The following TCF12 variants were observed in gnomAD, a reference collection of about 807,000 sequenced individuals.
TCF12 encodes transcription factor 12.
TCF12 carries 45 observed loss-of-function variants against 86.0 expected under a neutral mutation model. That is an observed-to-expected ratio of 0.52 (90% CI 0.41 to 0.67). The LOEUF is 0.67. TCF12 is among the 30% of genes least tolerant of loss of function. TCF12 has a pLI of 0.00. For missense variants in TCF12, 881 were observed against 859.9 expected (o/e 1.02, Z -0.31); for synonymous variants, 330 against 299.6 (o/e 1.10, Z -1.05).
chr15:56,974,352 A>G (rs567776182), intron 3 of TCF12, among the ~76,000 whole-genome samples: 1 of 152,236 alleles, frequency 6.6e-6, no homozygotes, highest in East Asian at 1.9e-4. Context: ...AGAACAGGAT[A>G]AAGTAATTGT....
intron 3 of TCF12, among the ~76,000 whole-genome samples, chr15:56,984,349 G>A (rs2063072753): frequency 1.3e-5 from 2 of 150,800 alleles, no homozygotes; most frequent in East Asian, 2.0e-4. Flanking sequence ...GTGGTTAACC[G>A]GGCCTGTTAG....
intron 5 of TCF12, among the ~76,000 whole-genome samples, chr15:57,100,464 T>C (rs999031654): frequency 6.7e-6 from 1 of 150,098 alleles, no homozygotes; most frequent in Non-Finnish European, 1.5e-5. Context: ...GGTCTTGCTG[T>C]GTTGGCCAGA....
intron 5 of TCF12, among the ~76,000 whole-genome samples, chr15:57,112,041 G>A (rs1596583925): frequency 6.6e-6 from 1 of 152,172 alleles, no homozygotes; most frequent in Non-Finnish European, 1.5e-5. Context: ...AATATTTCTG[G>A]AGTGTAGTTT....
intron 3 of TCF12, among the ~76,000 whole-genome samples, chr15:57,050,292 A>G (rs1369172122): frequency 1.3e-5 from 2 of 151,602 alleles, no homozygotes; most frequent in Non-Finnish European, 2.9e-5. Flanking sequence ...ATCTGGTATT[A>G]TTTTCCTTCA....
At position 57,005,103 on chromosome 15, in the gene TCF12, G is replaced by A. The variant is rs989933315; in HGVS notation, c.149-58647G>A. Among the ~76,000 whole-genome samples, 7 of 152,148 alleles carry A rather than the reference G, an allele frequency of 4.6e-5. No homozygotes were observed. In the South Asian group the frequency reaches 6.2e-4, roughly 13 times the overall value. ...GATAGTCTTTCCTTTGAAGACATAT[G>A]ATCAGGGTGTCATTATTAGAAAAAC... On this transcript the variant is annotated intron_variant, in intron 3 of 20. Transcript: ENST00000333725.
At chr15:57,048,965 G>C (rs1233941105) in intron 3 of TCF12, among the ~76,000 whole-genome samples, 1 of 152,164 alleles carries the variant, frequency 6.6e-6, no homozygotes, top group Non-Finnish European at 1.5e-5. Flanking sequence ...TACTTCTCCA[G>C]CTGCTGGAAG....
chr15:57,265,387 T>A (rs1162398824), intron 18 of TCF12, among the ~76,000 whole-genome samples: 3 of 151,814 alleles, frequency 2.0e-5, no homozygotes, highest in Non-Finnish European at 4.4e-5. Context: ...TATGAGAGAG[T>A]GTGGGTGTAT....
chr15:57,107,171 C>T (rs1228826558), intron 5 of TCF12, among the ~76,000 whole-genome samples: 2 of 152,130 alleles, frequency 1.3e-5, no homozygotes, highest in African/African-American at 4.8e-5. Context: ...CCAAGATGTC[C>T]TTCAGTAGGT....
rs553584586 is a variant in TCF12, at chr15:57,248,142, C to T, written c.1115-3208C>T. The T allele has an allele frequency of 1.1e-4, 78 of 701,398 alleles. No individual in the cohort carries two copies. In the African/African-American group the frequency reaches 1.3e-3, roughly 11 times the overall value. 43.4% of individuals were successfully genotyped at this position (701,398 alleles called of 1,614,324 possible). A position where few individuals can be genotyped will look rare whatever the true frequency, so the allele number is the denominator to read the frequency against. ...TAAAAATTATTTTAAGGATCCTTTT[C>T]CAGAAGCCTCTTAAACAGATTTCCC... On this transcript the variant is annotated intron_variant, in intron 13 of 20. Coordinates refer to ENST00000333725, the MANE Select transcript of TCF12 (RefSeq NM_207037.2).
At chr15:57,245,628 T>A (rs558612007) in intron 13 of TCF12, among the ~76,000 whole-genome samples, 2 of 152,306 alleles carry the variant, frequency 1.3e-5, no homozygotes, top group South Asian at 4.1e-4. Flanking sequence ...TGAAGGGTCA[T>A]CAATGAAATG....
intron 13 of TCF12, chr15:57,248,169 T>C (rs1261282539): frequency 1.9e-5 from 13 of 695,200 alleles, no homozygotes; most frequent in Non-Finnish European, 2.9e-5. Flanking sequence ...AGATTTCCCC[T>C]TACGTCTTAT....
At chr15:57,159,899 T>C (rs561450244) in intron 5 of TCF12, among the ~76,000 whole-genome samples, 3 of 152,328 alleles carry the variant, frequency 2.0e-5, no homozygotes, top group African/African-American at 7.2e-5. Context: ...TATCTATTCA[T>C]TGAAACTAAT....
At chr15:56,952,650 ATT>A (rs1394368662) in intron 3 of TCF12, among the ~76,000 whole-genome samples, 3 of 152,134 alleles carry the variant, frequency 2.0e-5, no homozygotes, top group Admixed American at 1.3e-4. Flanking sequence ...TATATATGGC[ATT>A]GTTTTAAAAA....
chr15:57,104,966 C>T (rs531188724), intron 5 of TCF12, among the ~76,000 whole-genome samples: 8 of 149,420 alleles, frequency 5.4e-5, no homozygotes, highest in East Asian at 2.0e-4. Context: ...CCCTGCCTCC[C>T]GGGTTCAAGC....
In TCF12 at chr15:57,122,722, G is replaced by C. The variant is rs553366351; in HGVS notation, c.325+30831G>C. 5.3e-5 allele frequency among the ~76,000 whole-genome samples: 8 copies of C among 152,182 alleles called. No homozygotes were observed. In the East Asian group the frequency reaches 1.5e-3, roughly 29 times the overall value. On this transcript the variant is annotated intron_variant, in intron 5 of 20. Coordinates refer to ENST00000333725, the MANE Select transcript of TCF12 (RefSeq NM_207037.2). The stretch of plus-strand genomic sequence containing the variant: ...TGGTTTTGTTTTTGTTAGGACCTTT[G>C]GAATGTATCTGTTAAATACAATTAA...
At chr15:56,998,141 A>G (rs1164780738) in intron 3 of TCF12, among the ~76,000 whole-genome samples, 3 of 152,222 alleles carry the variant, frequency 2.0e-5, no homozygotes, top group Admixed American at 1.3e-4. Context: ...ACTAGTAGAC[A>G]GAAATTACTA....
chr15:57,104,183 C>T (rs1181901215), intron 5 of TCF12, among the ~76,000 whole-genome samples: 1 of 151,722 alleles, frequency 6.6e-6, no homozygotes, highest in East Asian at 1.9e-4. Flanking sequence ...AGGAGAGACA[C>T]CGTATATGTG....
At chr15:56,956,269 C>T (rs1242519926) in intron 3 of TCF12, among the ~76,000 whole-genome samples, 2 of 151,158 alleles carry the variant, frequency 1.3e-5, no homozygotes, top group African/African-American at 2.4e-5. Flanking sequence ...CTTTTTATCT[C>T]GTGTGTTCTT....
At position 56,997,177 on chromosome 15, in the gene TCF12, T is replaced by C. The variant is rs542458584; in HGVS notation, c.149-66573T>C. On this transcript the variant is annotated intron_variant, in intron 3 of 20. Coordinates refer to ENST00000333725, the MANE Select transcript of TCF12 (RefSeq NM_207037.2). ...TGCCAAAAAGACACATATACCCGTA[T>C]GTCCATTCTAACACTCTTCACAAGA... Among the ~76,000 whole-genome samples the C allele has an allele frequency of 3.3e-5, 5 of 152,344 alleles. No homozygotes were observed. The South Asian group carries it at 8.3e-4, about 25-fold the overall frequency.
Sources: gnomAD v4.1 joint callset for allele counts (sites outside exome capture counted in the v4.1 genomes callset) on GRCh38, gnomAD v4.1.1 for gene constraint, MANE v1.5 for transcripts, NCBI Gene and HGNC (gene_info 2026-07-23, HGNC 2026-07-21) for gene names.